TIRAP: variants seen among roughly 807,000 people sequenced by gnomAD.
The protein encoded by TIRAP is toll/interleukin-1 receptor domain-containing adapter protein.
TIRAP carries 20 observed loss-of-function variants against 19.8 expected under a neutral mutation model. That is an observed-to-expected ratio of 1.01 (90% CI 0.71 to 1.47). The LOEUF is 1.47. TIRAP is among the 40% of genes most tolerant of loss of function. The pLI is 0.00. For synonymous variants in TIRAP, 125 were observed against 121.7 expected, an observed-to-expected ratio of 1.03 and a Z score of -0.18; for missense variants, 276 against 285.1, an observed-to-expected ratio of 0.97 and a Z score of 0.23.
rs144258412 is a variant in TIRAP at position 126,292,707 on chromosome 11, G to A, written c.298G>A (p.Ala100Thr). Residue 100 changes from alanine (A) to threonine (T), a missense_variant, in exon 4 of 5, where the codon GCC becomes ACC. Ala to Thr is a moderately conservative substitution (Grantham distance 58). Transcript: ENST00000392679. ...VCHSEEDLVA[A>T]QDLVSYLEGS... ...CCACAGTGAGGAAGACCTGGTGGCC[G>A]CCCAGGACCTGGTCTCCTACTTGGA... The A allele has an allele frequency of 8.8e-5, 142 of 1,613,530 alleles. 1 individual carries two copies. The African/African-American group carries it at 9.9e-4, about 11-fold the overall frequency.
At position 126,291,475 on chromosome 11, in the gene TIRAP, C is replaced by T; in HGVS notation, c.67+514C>T. 2 of 1,198,904 alleles carry T rather than the reference C, an allele frequency of 1.7e-6. No homozygotes were observed. Among genetic ancestry groups the T allele is most frequent in the South Asian group, 1.2e-5 (1 of 80,288 alleles). The allele number at this position is 1,198,904 out of a possible 1,614,324, so 74.3% of individuals were successfully genotyped here. ...GAAGCCCAAGAAGAGGCCCGGCTCC[C>T]TGACATACCTGACACTGCATTATCT... On this transcript the variant is annotated intron_variant, in intron 3 of 4. Coordinates refer to ENST00000392679, the MANE Select transcript of TIRAP (RefSeq NM_001318777.2). The surrounding 1 kb of genome is among the most constrained non-coding windows in gnomAD (Gnocchi z 5.6).
At chr11:126,285,243 G>GTGTGTGTA in intron 1 of TIRAP, among the ~76,000 whole-genome samples, 1,182 of 106,960 alleles carry the variant, frequency 0.011, 19 homozygotes, top group African/African-American at 0.037. Context: ...GTGTGTGTGT[G>GTGTGTGTA]TATATATATA....
chr11:126,285,263 T>TATATATATAAAAC lies in TIRAP; in HGVS notation c.-217+2116_-217+2117insATAAAACATATAT, dbSNP rs1399355017. 2.2e-5 allele frequency among the ~76,000 whole-genome samples: 3 copies of TATATATATAAAAC among 134,306 alleles called. No homozygotes were observed. In the East Asian group the frequency reaches 7.0e-4, roughly 31 times the overall value. The allele number at this position is 134,306 out of a possible 152,430, so 88.1% of individuals were successfully genotyped here. A position where few individuals can be genotyped will look rare whatever the true frequency, so the allele number is the denominator to read the frequency against. ...TGTGTGTATATATATATATATATAATATATATTTTATTTGATTTTTGAGAC... is the reference window on the plus strand; with the variant it reads ...TGTGTGTATATATATATATATATAATATATATATAAAACATATATTTTATTTGATTTTTGAGAC... On this transcript the variant is annotated intron_variant, in intron 1 of 4. Transcript: ENST00000392679.
chr11:126,291,669 T>C lies in TIRAP; in HGVS notation c.67+708T>C. On this transcript the variant is annotated intron_variant, in intron 3 of 4. Coordinates refer to ENST00000392679, the MANE Select transcript of TIRAP (RefSeq NM_001318777.2). The surrounding 1 kb of genome is among the most constrained non-coding windows in gnomAD (Gnocchi z 5.6). The stretch of plus-strand genomic sequence containing the variant: ...CTAGGATTTCTTGGGGCCAAACAGA[T>C]GCCAGTCCTCCGTACCCCTTCCTTC... The C allele has an allele frequency of 2.5e-6, 1 of 398,064 alleles. No individual in the cohort carries two copies. The highest frequency in any genetic ancestry group is 5.1e-6 in the Non-Finnish European group (1 of 196,522). 24.7% of individuals were successfully genotyped at this position (398,064 alleles called of 1,614,324 possible).
chr11:126,285,689 G>T (rs1376332290), intron 1 of TIRAP, among the ~76,000 whole-genome samples: 4 of 151,724 alleles, frequency 2.6e-5, no homozygotes, highest in Admixed American at 6.6e-5. Flanking sequence ...CCTTATAGTT[G>T]TATTATTTGA....
chr11:126,294,762 CTA>C lies in TIRAP; in HGVS notation c.*1077_*1078del, dbSNP rs1951453064. 8 of 309,696 alleles carry C rather than the reference CTA, an allele frequency of 2.6e-5. No homozygotes were observed. Among genetic ancestry groups the C allele is most frequent in the South Asian group, 2.1e-4 (8 of 37,390 alleles). 19.2% of individuals were successfully genotyped at this position (309,696 alleles called of 1,614,324 possible). ...CTGAAAAAAATTTTTATTATTTTTT[CTA>C]TCTCTAGTTCTAGAAAGAGAAAATT... On this transcript the variant is annotated 3_prime_UTR_variant, in exon 5 of 5. Coordinates refer to ENST00000392679, the MANE Select transcript of TIRAP (RefSeq NM_001318777.2).
Position 126,292,639 on chromosome 11 carries a change from G to A in TIRAP, c.230G>A (p.Ser77Asn), listed in dbSNP as rs775382891. The change falls in exon 4 of 5, where the codon AGT (serine) becomes AAT (asparagine). Residue 77 changes from serine (S) to asparagine (N), a missense_variant. Ser to Asn is a conservative substitution (Grantham distance 46). Transcript: ENST00000392679. ...CTGCCACCCACACATGCGAGTGACA[G>A]TGGCAGTAGTCGCTGGAGCAAAGAC... is the stretch of plus-strand genomic sequence containing the variant. ...PSLPPTHASD[S>N]GSSRWSKDYD... 19 of 1,614,064 alleles carry A rather than the reference G, an allele frequency of 1.2e-5. No individual in the cohort carries two copies. The Admixed American group carries it at 1.8e-4, about 16-fold the overall frequency.
Position 126,290,893 on chromosome 11 carries a change from C to A in TIRAP, c.-2C>A. The A allele has an allele frequency of 6.2e-7, 1 of 1,604,178 alleles. No homozygotes were observed. The highest frequency in any genetic ancestry group is 8.5e-7 in the Non-Finnish European group (1 of 1,174,524). On this transcript the variant is annotated 5_prime_UTR_variant, in exon 3 of 5. Coordinates refer to ENST00000392679, the MANE Select transcript of TIRAP (RefSeq NM_001318777.2). The surrounding 1 kb of genome is among the most constrained non-coding windows in gnomAD (Gnocchi z 4.9). ...CACGGGGCTAGTTTTGACCCCCACG[C>A]TATGGCATCATCGACCTCCCTCCCA...
Position 126,290,754 on chromosome 11 carries a change from G to A in TIRAP, c.-92-49G>A. The A allele has an allele frequency of 3.5e-6, 5 of 1,447,414 alleles. No individual in the cohort carries two copies. The highest frequency in any genetic ancestry group is 3.6e-6 in the Non-Finnish European group (4 of 1,103,370). The allele number at this position is 1,447,414 out of a possible 1,614,324, so 89.7% of individuals were successfully genotyped here. A position where few individuals can be genotyped will look rare whatever the true frequency, so the allele number is the denominator to read the frequency against. On this transcript the variant is annotated intron_variant, in intron 2 of 4. Transcript: ENST00000392679. The surrounding 1 kb of genome is among the most constrained non-coding windows in gnomAD (Gnocchi z 4.9). ...CGCAGAGCTCATCCATGGGGAATGA[G>A]AGCAGGGTAAGTGCAGCCTTTGTGA...
In TIRAP at chr11:126,292,867, A is replaced by G; in HGVS notation, c.458A>G (p.Gln153Arg). 1 of 1,613,448 alleles carries G rather than the reference A, an allele frequency of 6.2e-7. No homozygotes were observed. Among genetic ancestry groups the G allele is most frequent in the East Asian group, 2.2e-5 (1 of 44,880 alleles). ...RVLLITPGFL[Q>R]DPWCKYQMLQ... is the part of the protein sequence containing the mutation. ...CTGCTCATCACGCCGGGCTTCCTTCAGGACCCCTGGTGCAAGTACCAGATG... is the reference window on the plus strand; with the variant it reads ...CTGCTCATCACGCCGGGCTTCCTTCGGGACCCCTGGTGCAAGTACCAGATG... The change falls in exon 4 of 5, where the codon CAG becomes CGG. Residue 153 changes from glutamine to arginine, a missense_variant. Coordinates refer to ENST00000392679, the MANE Select transcript of TIRAP (RefSeq NM_001318777.2).
intron 1 of TIRAP, among the ~76,000 whole-genome samples, chr11:126,284,158 C>T (rs1591370884): frequency 6.6e-6 from 1 of 151,914 alleles, no homozygotes; most frequent in East Asian, 1.9e-4. Flanking sequence ...TGCCTCCTCC[C>T]GAGTAGCTGG....
rs1441910778 is a variant in TIRAP at position 126,292,875 on chromosome 11, T to A, written c.466T>A (p.Trp156Arg). ...CACGCCGGGCTTCCTTCAGGACCCC[T>A]GGTGCAAGTACCAGATGCTGCAGGC... ...LITPGFLQDP[W>R]CKYQMLQALT... The change falls in exon 4 of 5, where the codon TGG becomes AGG. Residue 156 changes from tryptophan to arginine, a missense_variant. Transcript: ENST00000392679. 3 of 1,613,384 alleles carry A rather than the reference T, an allele frequency of 1.9e-6. No individual in the cohort carries two copies. The Admixed American group carries it at 5.0e-5, about 27-fold the overall frequency.
Position 126,287,706 on chromosome 11 carries a change from C to T in TIRAP, c.-216-2756C>T, listed in dbSNP as rs1951337630. Reference sequence around the variant, plus strand: ...TATTGGAAAAGCATTCTAGAAAGCACTAAAGGTATTGTGCTACTTCTTTTC... The same window carrying T: ...TATTGGAAAAGCATTCTAGAAAGCATTAAAGGTATTGTGCTACTTCTTTTC... On this transcript the variant is annotated intron_variant, in intron 1 of 4. Transcript: ENST00000392679. The surrounding 1 kb of genome is among the most constrained non-coding windows in gnomAD (Gnocchi z 4.2). Among the ~76,000 whole-genome samples the T allele has an allele frequency of 6.6e-6, 1 of 152,138 alleles. No homozygotes were observed. Among genetic ancestry groups the T allele is most frequent in the East Asian group, 1.9e-4 (1 of 5,180 alleles).
rs867309857 is a variant in TIRAP, at chr11:126,294,553, C to T, written c.*866C>T. 9 of 456,154 alleles carry T rather than the reference C, an allele frequency of 2.0e-5. No homozygotes were observed. The Middle Eastern group carries it at 1.6e-3, about 82-fold the overall frequency. The allele number at this position is 456,154 out of a possible 1,614,324, so 28.3% of individuals were successfully genotyped here. A position where few individuals can be genotyped will look rare whatever the true frequency, so the allele number is the denominator to read the frequency against. The stretch of plus-strand genomic sequence containing the variant: ...ATACTTTCACAGTCACCATCTTCAC[C>T]TTTGGACTGGGAAGAATCACCATTT... On this transcript the variant is annotated 3_prime_UTR_variant, in exon 5 of 5. Transcript: ENST00000392679.
At chr11:126,283,886 G>C (rs1951284633) in intron 1 of TIRAP, among the ~76,000 whole-genome samples, 1 of 152,186 alleles carries the variant, frequency 6.6e-6, no homozygotes, top group Admixed American at 6.5e-5. Context: ...CAAATCCTAA[G>C]TGTACAGCTC....
At position 126,291,280 on chromosome 11, in the gene TIRAP, T is replaced by C. The variant is rs1951381389; in HGVS notation, c.67+319T>C. ...TCCAAATCTTTGTTCCAGAACCATT[T>C]AGAGGAGAAGCCAAGCAGAGAGAGA... On this transcript the variant is annotated intron_variant, in intron 3 of 4. Coordinates refer to ENST00000392679, the MANE Select transcript of TIRAP (RefSeq NM_001318777.2). This position sits in a 1 kb window ranked among gnomAD's most constrained non-coding sequence, Gnocchi z 5.6. 3.0e-5 allele frequency: 17 copies of C among 558,632 alleles called. 1 individual carries two copies. Among genetic ancestry groups the C allele is most frequent in the South Asian group, 3.0e-4 (17 of 57,292 alleles). 34.6% of individuals were successfully genotyped at this position (558,632 alleles called of 1,614,324 possible). A position where few individuals can be genotyped will look rare whatever the true frequency, so the allele number is the denominator to read the frequency against.
intron 4 of TIRAP, 31 bp downstream of exon 4, chr11:126,293,086 G>A (rs750571122): frequency 9.9e-6 from 16 of 1,613,634 alleles, no homozygotes; most frequent in Non-Finnish European, 1.4e-5. Context: ...GAAGGGGAAC[G>A]GGATTCAGCT....
Position 126,291,294 on chromosome 11 carries a change from A to T in TIRAP, c.67+333A>T. 1 of 583,528 alleles carries T rather than the reference A, an allele frequency of 1.7e-6. No individual in the cohort carries two copies. Among genetic ancestry groups the T allele is most frequent in the Non-Finnish European group, 2.9e-6 (1 of 346,442 alleles). The allele number at this position is 583,528 out of a possible 1,614,324, so 36.1% of individuals were successfully genotyped here. On this transcript the variant is annotated intron_variant, in intron 3 of 4. Transcript: ENST00000392679. The surrounding 1 kb of genome is among the most constrained non-coding windows in gnomAD (Gnocchi z 5.6). ...CCAGAACCATTTAGAGGAGAAGCCAAGCAGAGAGAGAAAATGAATCAATCC... is the reference window on the plus strand; with the variant it reads ...CCAGAACCATTTAGAGGAGAAGCCATGCAGAGAGAGAAAATGAATCAATCC...
At chr11:126,292,385 C>G in intron 3 of TIRAP, 92 bp from the exon 4 acceptor site, 1 of 1,403,122 alleles carries the variant, frequency 7.1e-7, no homozygotes, top group Non-Finnish European at 9.8e-7. Context: ...TGCAGTCTGT[C>G]TGTCCTCCCT....
Sources: allele counts gnomAD v4.1 joint callset (sites outside exome capture counted in the v4.1 genomes callset), GRCh38; gene constraint gnomAD v4.1.1; non-coding constraint Gnocchi (gnomAD v3.1); transcripts MANE v1.5; gene names NCBI Gene and HGNC (gene_info 2026-07-23, HGNC 2026-07-21).